NFE2L2: variants seen among roughly 807,000 people sequenced by gnomAD.
NFE2L2 encodes NFE2 like bZIP transcription factor 2.
NFE2L2 carries 20 observed loss-of-function variants against 49.6 expected under a neutral mutation model. That is an observed-to-expected ratio of 0.40 (90% CI 0.28 to 0.59). The LOEUF (loss-of-function observed/expected upper bound fraction) is 0.59, where lower values mean the gene tolerates loss of function less well. NFE2L2 is among the 20% of genes least tolerant of loss of function. NFE2L2 has a pLI of 0.40. For missense variants in NFE2L2, 578 were observed against 714.2 expected (o/e 0.81, Z 2.17); for synonymous variants, 244 against 256.5 (o/e 0.95, Z 0.47).
chr2:177,243,978 T>C (rs1690030130), intron 1 of NFE2L2, among the ~76,000 whole-genome samples: 1 of 151,272 alleles, frequency 6.6e-6, no homozygotes, highest in African/African-American at 2.4e-5. Context: ...TATTATTATA[T>C]GTATAAAACA....
chr2:177,247,632 G>A (rs547525358), intron 1 of NFE2L2, among the ~76,000 whole-genome samples: 3 of 149,994 alleles, frequency 2.0e-5, no homozygotes, highest in Non-Finnish European at 4.4e-5. Flanking sequence ...AGCCGAGATC[G>A]TGCCATTGCA....
At chr2:177,233,659 A>G in intron 2 of NFE2L2, 1 of 500,494 alleles carries the variant, frequency 2.0e-6, no homozygotes, top group South Asian at 2.6e-5. Flanking sequence ...TTCTTAAAAC[A>G]GTGCTTGCCA....
chr2:177,250,909 AAAAC>A (rs1365515410), intron 1 of NFE2L2, among the ~76,000 whole-genome samples: 1 of 152,228 alleles, frequency 6.6e-6, no homozygotes, highest in Non-Finnish European at 1.5e-5. Context: ...TTCCATATGA[AAAAC>A]AAAGGATGTA....
At chr2:177,251,530 G>A (rs1440675772) in intron 1 of NFE2L2, among the ~76,000 whole-genome samples, 1 of 152,150 alleles carries the variant, frequency 6.6e-6, no homozygotes, top group East Asian at 1.9e-4. Context: ...GAGGAGCCGG[G>A]GCAACGTGTG....
Position 177,248,471 on chromosome 2 carries a change from G to A in NFE2L2, c.46-14200C>T, listed in dbSNP as rs112353264. 5.2e-3 allele frequency among the ~76,000 whole-genome samples: 790 copies of A among 152,128 alleles called. 10 individuals are homozygous for A. Among genetic ancestry groups the A allele is most frequent in the African/African-American group, 0.018 (751 of 41,488 alleles). On this transcript the variant is annotated intron_variant, in intron 1 of 4. Transcript: ENST00000397062. ...GTTGCCCAGGCTGGAGTGCAATGGCGTGATCTCAGCTCACCGCAACCGCCG... is the reference window on the plus strand; with the variant it reads ...GTTGCCCAGGCTGGAGTGCAATGGCATGATCTCAGCTCACCGCAACCGCCG...
intron 1 of NFE2L2, chr2:177,263,676 C>A: frequency 1.0e-6 from 1 of 985,532 alleles, no homozygotes; most frequent in Non-Finnish European, 1.2e-6. Flanking sequence ...CGCGTCCGAA[C>A]TAGAAGCCCC....
intron 1 of NFE2L2, among the ~76,000 whole-genome samples, chr2:177,237,180 T>C (rs1311989222): frequency 6.6e-6 from 1 of 152,160 alleles, no homozygotes; most frequent in African/African-American, 2.4e-5. Context: ...CCAAATATTT[T>C]TGAACCAATC....
intron 1 of NFE2L2, among the ~76,000 whole-genome samples, chr2:177,254,523 T>G (rs1448146404): frequency 6.6e-6 from 1 of 152,150 alleles, no homozygotes; most frequent in East Asian, 1.9e-4. Context: ...CCAGGAGCAT[T>G]AGGAATTGTA....
chr2:177,240,039 A>G (rs959827983), intron 1 of NFE2L2, among the ~76,000 whole-genome samples: 2 of 152,004 alleles, frequency 1.3e-5, no homozygotes, highest in Non-Finnish European at 1.5e-5. Flanking sequence ...CTAAGCTAAT[A>G]TGCACCAACC....
intron 1 of NFE2L2, among the ~76,000 whole-genome samples, chr2:177,252,000 CAAA>C (rs3082509): frequency 2.9e-5 from 3 of 104,538 alleles, no homozygotes. Flanking sequence ...GACTCTGTCT[CAAA>C]AAAAAAAAAA....
intron 1 of NFE2L2, among the ~76,000 whole-genome samples, chr2:177,242,312 G>A (rs1254893562): frequency 1.3e-5 from 2 of 152,218 alleles, no homozygotes; most frequent in Non-Finnish European, 2.9e-5. Context: ...CTAGCAACAT[G>A]TTGTATACAT....
intron 1 of NFE2L2, among the ~76,000 whole-genome samples, chr2:177,238,437 T>C (rs551414647): frequency 1.3e-5 from 2 of 152,318 alleles, no homozygotes; most frequent in South Asian, 4.1e-4. Context: ...CATCAGATGA[T>C]AATATTTGAG....
intron 1 of NFE2L2, among the ~76,000 whole-genome samples, chr2:177,239,365 T>C (rs941817047): frequency 6.6e-6 from 1 of 152,156 alleles, no homozygotes; most frequent in African/African-American, 2.4e-5. Context: ...TGAAAGGTTT[T>C]CCTGTGTATT....
At position 177,230,597 on chromosome 2, in the gene NFE2L2, G is replaced by C. The variant is rs1278894131; in HGVS notation, c.*188C>G. 5.0e-6 allele frequency: 3 copies of C among 600,144 alleles called. No individual in the cohort carries two copies. The African/African-American group carries it at 5.8e-5, about 12-fold the overall frequency. The allele number at this position is 600,144 out of a possible 1,614,324, so 37.2% of individuals were successfully genotyped here. On this transcript the variant is annotated 3_prime_UTR_variant, in exon 5 of 5. Transcript: ENST00000397062. ...TCCTAAGAAATTGTTTACAGTTAAA[G>C]TGAAACTACTGATTCAACATACTGA...
At chr2:177,240,036 A>G (rs927139038) in intron 1 of NFE2L2, among the ~76,000 whole-genome samples, 1 of 152,130 alleles carries the variant, frequency 6.6e-6, no homozygotes, top group Non-Finnish European at 1.5e-5. Context: ...GTGCTAAGCT[A>G]ATATGCACCA....
At chr2:177,244,646 A>G (rs1309657992) in intron 1 of NFE2L2, among the ~76,000 whole-genome samples, 2 of 152,210 alleles carry the variant, frequency 1.3e-5, no homozygotes, top group Non-Finnish European at 2.9e-5. Flanking sequence ...TCTATTTTCC[A>G]AAGGCCCAGC....
chr2:177,251,059 A>G (rs545325619), intron 1 of NFE2L2, among the ~76,000 whole-genome samples: 2 of 152,248 alleles, frequency 1.3e-5, no homozygotes, highest in Non-Finnish European at 2.9e-5. Context: ...GGGTCTAACC[A>G]GTAAATAAAA....
chr2:177,246,346 A>C (rs572389978), intron 1 of NFE2L2, among the ~76,000 whole-genome samples: 5 of 152,338 alleles, frequency 3.3e-5, no homozygotes, highest in South Asian at 4.1e-4. Flanking sequence ...TGGTCTGACT[A>C]AACTCATTTA....
Position 177,234,062 on chromosome 2 carries a change from T to G in NFE2L2, c.255A>C (p.Pro85=). ...QLDEETGEFL[P]IQPAQHIQSE... is the part of the protein sequence containing the mutation. ...ACTGGATGTGCTGGGCTGGCTGAAT[T>G]GGGAGAAATTCACCTGTCTCTTCAT... The change falls in exon 2 of 5, where the codon CCA becomes CCC. Residue 85 remains proline (P), a synonymous_variant. Transcript: ENST00000397062. The G allele has an allele frequency of 6.2e-7, 1 of 1,614,222 alleles. No homozygotes were observed.
Sources: gnomAD v4.1 joint callset for allele counts (sites outside exome capture counted in the v4.1 genomes callset) on GRCh38, gnomAD v4.1.1 for gene constraint, MANE v1.5 for transcripts, NCBI Gene and HGNC (gene_info 2026-07-23, HGNC 2026-07-21) for gene names.